ARHGAP29: variants seen among roughly 807,000 people sequenced by gnomAD.
The protein encoded by ARHGAP29 is Rho GTPase activating protein 29.
In ARHGAP29, 43 loss-of-function variants were observed where a neutral mutation model predicts 122.6. That is an observed-to-expected ratio of 0.35 (90% confidence interval 0.27 to 0.45). ARHGAP29 has a LOEUF of 0.45. Ranked by LOEUF, ARHGAP29 falls within the 20% of genes least tolerant of loss-of-function variation. The pLI is 1.00. For synonymous variants in ARHGAP29, 506 were observed against 497.1 expected (o/e 1.02, Z -0.24); for missense variants, 1,303 against 1,477.2 (o/e 0.88, Z 1.93).
At chr1:94,215,822 G>A (rs1466650981) in intron 3 of ARHGAP29, among the ~76,000 whole-genome samples, 1 of 152,002 alleles carries the variant, frequency 6.6e-6, no homozygotes, top group East Asian at 1.9e-4. Flanking sequence ...AAAGACTAAA[G>A]GCTAATTTTA....
intron 1 of ARHGAP29, among the ~76,000 whole-genome samples, chr1:94,271,556 G>A (rs1654995265): frequency 6.6e-6 from 1 of 152,146 alleles, no homozygotes; most frequent in Non-Finnish European, 1.5e-5. Flanking sequence ...ACAGATTCCT[G>A]GGCAATGACC....
intron 19 of ARHGAP29, among the ~76,000 whole-genome samples, chr1:94,180,403 T>C (rs886358624): frequency 3.3e-5 from 5 of 152,164 alleles, no homozygotes; most frequent in Non-Finnish European, 5.9e-5. Context: ...CTGTTAACAT[T>C]TTATTTATCT....
intron 1 of ARHGAP29, among the ~76,000 whole-genome samples, chr1:94,263,395 TA>T (rs35165466): frequency 8.8e-5 from 13 of 148,410 alleles, no homozygotes; most frequent in East Asian, 4.0e-4. Flanking sequence ...ACTTAAAAGT[TA>T]AAAAAAAAAA....
chr1:94,265,855 TG>T (rs1422822683), intron 1 of ARHGAP29, among the ~76,000 whole-genome samples: 1 of 152,072 alleles, frequency 6.6e-6, no homozygotes, highest in African/African-American at 2.4e-5. Context: ...CCAGAGGGAA[TG>T]GGGGAGCACC....
At chr1:94,187,486 T>C (rs1649881259) in intron 15 of ARHGAP29, among the ~76,000 whole-genome samples, 1 of 152,210 alleles carries the variant, frequency 6.6e-6, no homozygotes. Context: ...GCATTTCTTA[T>C]ATTACTGAAC....
At chr1:94,217,388 G>A (rs141108064) in intron 3 of ARHGAP29, among the ~76,000 whole-genome samples, 4 of 152,154 alleles carry the variant, frequency 2.6e-5, no homozygotes, top group African/African-American at 9.6e-5. Context: ...ACAAAAATTA[G>A]GTGGGTGTGG....
Position 94,174,272 on chromosome 1 carries a change from T to G in ARHGAP29, c.3383A>C (p.Tyr1128Ser). 1 of 1,614,200 alleles carries G rather than the reference T, an allele frequency of 6.2e-7. No homozygotes were observed. Among genetic ancestry groups the G allele is most frequent in the Admixed American group, 1.7e-5 (1 of 60,014 alleles). Residue 1128 changes from tyrosine to serine, a missense_variant, in exon 23 of 23, where the codon TAT becomes TCT. By Grantham distance (144) the Tyr-to-Ser change is moderately radical. Transcript: ENST00000260526. ...SINATQPSKP[Y>S]AEPVRSVREA... ...TCTCACTGACCTGACTGGCTCTGCATATGGCTTACTGGGTTGAGTGGCATT... is the reference window on the plus strand; with the variant it reads ...TCTCACTGACCTGACTGGCTCTGCAGATGGCTTACTGGGTTGAGTGGCATT...
intron 19 of ARHGAP29, among the ~76,000 whole-genome samples, chr1:94,182,296 A>T (rs948907765): frequency 6.6e-6 from 1 of 152,064 alleles, no homozygotes; most frequent in African/African-American, 2.4e-5. Flanking sequence ...GAAATGAATG[A>T]TAGAGAAAAG....
In ARHGAP29 at chr1:94,177,602, G is replaced by A; in HGVS notation, c.2905+10C>T. 1.3e-6 allele frequency: 2 copies of A among 1,563,748 alleles called. No individual in the cohort carries two copies. Among genetic ancestry groups the A allele is most frequent in the African/African-American group, 1.4e-5 (1 of 71,898 alleles). On this transcript the variant is annotated intron_variant, in intron 22 of 22. Coordinates refer to ENST00000260526, the MANE Select transcript of ARHGAP29 (RefSeq NM_004815.4). ...CAGCAAACATATTTTTTTTTTACAT[G>A]GCTACTCACCACTGAGACATGCATC...
At chr1:94,202,056 A>G in intron 11 of ARHGAP29, 199 bp from the exon 12 acceptor site, 1 of 507,898 alleles carries the variant, frequency 2.0e-6, no homozygotes, top group Non-Finnish European at 3.4e-6. Flanking sequence ...ATTTATAATT[A>G]GTACACTGTC....
chr1:94,208,741 T>G, intron 5 of ARHGAP29, 91 bp downstream of exon 5: 6 of 1,294,408 alleles, frequency 4.6e-6, no homozygotes, highest in Non-Finnish European at 6.7e-6. Context: ...ATTACAGGTA[T>G]GAGCCACCAC....
intron 14 of ARHGAP29, 31 bp from the exon 15 acceptor site, chr1:94,188,972 G>A (rs1402430346): frequency 6.3e-7 from 1 of 1,589,460 alleles, no homozygotes; most frequent in Non-Finnish European, 8.6e-7. Context: ...TCAAAACTTG[G>A]CTACAGGTAG....
intron 12 of ARHGAP29, chr1:94,190,326 CAA>C (rs1650060648): frequency 1.7e-5 from 6 of 357,354 alleles, no homozygotes; most frequent in Admixed American, 1.3e-4. Flanking sequence ...CTGAAAAGTT[CAA>C]AAGTGACTTC....
upstream of ARHGAP29, among the ~76,000 whole-genome samples, chr1:94,275,671 G>T (rs1167605436): frequency 6.6e-6 from 1 of 152,098 alleles, no homozygotes; most frequent in East Asian, 1.9e-4. Context: ...GTCCAGTAGG[G>T]TTACTGAGTT....
intron 6 of ARHGAP29, 107 bp downstream of exon 6, chr1:94,205,528 T>C (rs182980269): frequency 5.4e-5 from 58 of 1,071,680 alleles, no homozygotes; most frequent in Admixed American, 9.3e-5. Context: ...CATTTTGCAT[T>C]AAAAATGAAT....
chr1:94,220,451 C>CA, intron 2 of ARHGAP29, 59 bp from the exon 3 acceptor site: 4 of 1,427,326 alleles, frequency 2.8e-6, no homozygotes, highest in Non-Finnish European at 3.8e-6. Flanking sequence ...ATCTAAACTA[C>CA]AAAACGTCAT....
At chr1:94,266,002 G>A (rs1406676486) in intron 1 of ARHGAP29, among the ~76,000 whole-genome samples, 1 of 152,188 alleles carries the variant, frequency 6.6e-6, no homozygotes, top group Non-Finnish European at 1.5e-5. Flanking sequence ...AGGGAGACTG[G>A]GAAGAAACAT....
intron 1 of ARHGAP29, among the ~76,000 whole-genome samples, chr1:94,271,052 G>C (rs1654970307): frequency 6.6e-6 from 1 of 152,204 alleles, no homozygotes; most frequent in African/African-American, 2.4e-5. Context: ...GGCTGAGCTG[G>C]AGCCATCTCC....
the ARHGAP29 span, among the ~76,000 whole-genome samples, chr1:94,284,376 T>C: frequency 2.6e-5 from 4 of 152,374 alleles, no homozygotes; most frequent in South Asian, 8.3e-4. Flanking sequence ...ATTATTGTTA[T>C]AATTTTACAA....
Sources: allele counts gnomAD v4.1 joint callset (sites outside exome capture counted in the v4.1 genomes callset), GRCh38; gene constraint gnomAD v4.1.1; transcripts MANE v1.5; gene names NCBI Gene and HGNC (gene_info 2026-07-23, HGNC 2026-07-21).